The following PLPPR4 variants were observed in gnomAD, a reference collection of about 807,000 sequenced individuals.
PLPPR4 encodes phospholipid phosphatase related 4.
PLPPR4 carries 24 observed loss-of-function variants against 56.6 expected under a neutral mutation model. The observed-to-expected ratio is 0.42, with a 90% CI of 0.31 to 0.60. The LOEUF is 0.60. Ranked by LOEUF, PLPPR4 falls within the 20% of genes least tolerant of loss-of-function variation. PLPPR4 has a pLI of 0.13. For synonymous variants in PLPPR4, 326 were observed against 328.1 expected (o/e 0.99, Z 0.07); for missense variants, 654 against 885.8 (o/e 0.74, Z 3.32).
At chr1:99,304,248 T>C (rs1355107773) in intron 6 of PLPPR4, among the ~76,000 whole-genome samples, 1 of 152,210 alleles carries the variant, frequency 6.6e-6, no homozygotes, top group African/African-American at 2.4e-5. Context: ...GTGCTTACCA[T>C]TGTGTTACAA....
chr1:99,268,188 G>C (rs1382839945), intron 1 of PLPPR4, among the ~76,000 whole-genome samples: 1 of 152,172 alleles, frequency 6.6e-6, no homozygotes, highest in Non-Finnish European at 1.5e-5. Flanking sequence ...GTAAGGCAAG[G>C]GCACACTGAC....
upstream of PLPPR4, chr1:99,264,385 A>T: frequency 7.5e-7 from 1 of 1,333,504 alleles, no homozygotes; most frequent in Non-Finnish European, 9.9e-7. Flanking sequence ...GAGGAAGAGG[A>T]CTGGCCCGCT....
chr1:99,283,267 G>C (rs574411326), intron 1 of PLPPR4, among the ~76,000 whole-genome samples: 203 of 152,210 alleles, frequency 1.3e-3, no homozygotes, highest in African/African-American at 4.7e-3. Flanking sequence ...GAGAGGCAAA[G>C]AATGGAACTG....
chr1:99,283,875 T>C (rs893371504), intron 1 of PLPPR4, among the ~76,000 whole-genome samples: 2 of 151,968 alleles, frequency 1.3e-5, no homozygotes, highest in Non-Finnish European at 2.9e-5. Flanking sequence ...TCGCTTGAAC[T>C]CGGGAGGTGG....
At chr1:99,274,841 T>C (rs2100787216) in intron 1 of PLPPR4, among the ~76,000 whole-genome samples, 1 of 152,246 alleles carries the variant, frequency 6.6e-6, no homozygotes, top group East Asian at 1.9e-4. Context: ...AAATATCATA[T>C]ATAAACTCGT....
intron 3 of PLPPR4, among the ~76,000 whole-genome samples, chr1:99,297,224 T>C (rs1659766008): frequency 1.3e-5 from 2 of 152,166 alleles, no homozygotes; most frequent in Admixed American, 6.6e-5. Flanking sequence ...TAGACAACTC[T>C]TCAGGAATTA....
intron 1 of PLPPR4, among the ~76,000 whole-genome samples, chr1:99,277,211 G>A (rs1659208792): frequency 6.6e-6 from 1 of 152,132 alleles, no homozygotes; most frequent in Non-Finnish European, 1.5e-5. Context: ...GGATCATACT[G>A]ATAAAACCAT....
intron 1 of PLPPR4, among the ~76,000 whole-genome samples, chr1:99,273,911 T>C (rs1048212949): frequency 6.6e-6 from 1 of 152,110 alleles, no homozygotes; most frequent in Non-Finnish European, 1.5e-5. Context: ...TTGTGGATTA[T>C]TGAACAGTTG....
chr1:99,275,512 C>A (rs1273026146), intron 1 of PLPPR4, among the ~76,000 whole-genome samples: 1 of 152,160 alleles, frequency 6.6e-6, no homozygotes, highest in Admixed American at 6.5e-5. Flanking sequence ...CTCAATAAAT[C>A]TGTGATGGAT....
chr1:99,265,112 T>C (rs1658857097), intron 1 of PLPPR4, among the ~76,000 whole-genome samples: 1 of 150,986 alleles, frequency 6.6e-6, no homozygotes, highest in African/African-American at 2.4e-5. Flanking sequence ...GTTTACATAG[T>C]ACAAATATTG....
intron 2 of PLPPR4, among the ~76,000 whole-genome samples, chr1:99,291,322 G>A (rs1037642362): frequency 8.6e-5 from 13 of 151,982 alleles, no homozygotes; most frequent in Admixed American, 6.6e-4. Flanking sequence ...AAAAAGGAAC[G>A]CTTATACACT....
chr1:99,264,433 G>C (rs1658836434), upstream of PLPPR4: 6 of 1,465,610 alleles, frequency 4.1e-6, no homozygotes, highest in Non-Finnish European at 4.5e-6. Flanking sequence ...GGGGCGGGGA[G>C]AAGGCGGGGG....
At chr1:99,264,243 T>C (rs528118971), upstream of PLPPR4, 30 of 557,526 alleles carry the variant, frequency 5.4e-5, no homozygotes, top group African/African-American at 5.6e-4. Flanking sequence ...CCGACAGCCT[T>C]GGAGCGTCGC....
intron 3 of PLPPR4, among the ~76,000 whole-genome samples, chr1:99,297,786 C>G (rs897602248): frequency 6.6e-6 from 1 of 152,032 alleles, no homozygotes; most frequent in Non-Finnish European, 1.5e-5. Context: ...GCATCGCAAA[C>G]TCAGGCAAGG....
At chr1:99,284,979 T>C (rs1659426769) in intron 1 of PLPPR4, among the ~76,000 whole-genome samples, 1 of 152,050 alleles carries the variant, frequency 6.6e-6, no homozygotes, top group African/African-American at 2.4e-5. Flanking sequence ...TAAAAAGAAG[T>C]ACTAGGGGAT....
chr1:99,264,154 C>G (rs1445840032), upstream of PLPPR4: 1 of 447,344 alleles, frequency 2.2e-6, no homozygotes. Flanking sequence ...CAGGAGGAGA[C>G]TAGGTGGCTT....
At chr1:99,293,259 A>AT (rs1272554981) in intron 2 of PLPPR4, among the ~76,000 whole-genome samples, 1 of 152,158 alleles carries the variant, frequency 6.6e-6, no homozygotes, top group African/African-American at 2.4e-5. Flanking sequence ...TGCTTCCCAG[A>AT]TTTTTTTAAT....
In PLPPR4 at chr1:99,275,117, T is replaced by C. The variant is rs527260968; in HGVS notation, c.78+10446T>C. On this transcript the variant is annotated intron_variant, in intron 1 of 6. Transcript: ENST00000370185. ...TGTATTGTAGCAACTGAGATTTGAG[T>C]TATTAAAACATGAAGAACATCCAAC... Among the ~76,000 whole-genome samples, 11 of 152,192 alleles carry C rather than the reference T, an allele frequency of 7.2e-5. No individual in the cohort carries two copies. In the South Asian group the frequency reaches 2.1e-3, roughly 29 times the overall value.
chr1:99,282,148 C>A (rs1182377074), intron 1 of PLPPR4, among the ~76,000 whole-genome samples: 3 of 152,108 alleles, frequency 2.0e-5, no homozygotes, highest in Non-Finnish European at 4.4e-5. Flanking sequence ...AAAACAGAAT[C>A]TTCTATTCTT....
Sources: gnomAD v4.1 joint callset for allele counts (sites outside exome capture counted in the v4.1 genomes callset) on GRCh38, gnomAD v4.1.1 for gene constraint, MANE v1.5 for transcripts, NCBI Gene and HGNC (gene_info 2026-07-23, HGNC 2026-07-21) for gene names.